Variants in WWP1 observed in about 807,000 individuals in gnomAD.
The protein encoded by WWP1 is WW domain containing E3 ubiquitin protein ligase 1.
In WWP1, 49 loss-of-function variants were observed where a neutral mutation model predicts 130.6. The ratio of observed to expected loss-of-function variants is 0.38; its 90% CI spans 0.30 to 0.48. The LOEUF (loss-of-function observed/expected upper bound fraction) is 0.48, where lower values mean the gene tolerates loss of function less well. Among genes scored for constraint, WWP1 ranks in the 20% least tolerant of loss-of-function variants. The pLI is 0.99. For missense variants in WWP1, 809 were observed against 1,100.6 expected, an observed-to-expected ratio of 0.74 and a Z score of 3.75; for synonymous variants, 332 against 367.8, an observed-to-expected ratio of 0.90 and a Z score of 1.11.
intron 1 of WWP1, among the ~76,000 whole-genome samples, chr8:86,361,160 G>C (rs547417409): frequency 6.6e-6 from 1 of 152,190 alleles, no homozygotes; most frequent in South Asian, 2.1e-4. Flanking sequence ...GGTTGGGAGT[G>C]AAGAGTGGGG....
intron 3 of WWP1, among the ~76,000 whole-genome samples, chr8:86,377,575 A>G (rs1824738545): frequency 6.6e-6 from 1 of 152,054 alleles, no homozygotes; most frequent in Non-Finnish European, 1.5e-5. Flanking sequence ...ATTGGCAGCA[A>G]CATGTAAGAA....
chr8:86,344,247 TATC>T, intron 1 of WWP1, among the ~76,000 whole-genome samples: 1 of 152,350 alleles, frequency 6.6e-6, no homozygotes, highest in Admixed American at 6.5e-5. Context: ...GGACATAGCT[TATC>T]AACATTTTCA....
At chr8:86,370,271 G>T (rs549583787) in intron 2 of WWP1, among the ~76,000 whole-genome samples, 1 of 152,244 alleles carries the variant, frequency 6.6e-6, no homozygotes, top group South Asian at 2.1e-4. Flanking sequence ...CATCATAAAA[G>T]ATGTTTGAGC....
intron 5 of WWP1, among the ~76,000 whole-genome samples, chr8:86,382,757 C>T (rs1050152615): frequency 4.6e-5 from 7 of 152,322 alleles, no homozygotes; most frequent in Non-Finnish European, 1.0e-4. Context: ...GTAATGATTT[C>T]TCACACCACA....
intron 8 of WWP1, 95 bp from the exon 9 acceptor site, chr8:86,411,443 C>T (rs937958570): frequency 1.9e-6 from 2 of 1,057,952 alleles, no homozygotes; most frequent in African/African-American, 1.6e-5. Context: ...GTTGCTTAGT[C>T]TGGATTAGGC....
At chr8:86,365,934 A>G (rs112554755) in intron 1 of WWP1, among the ~76,000 whole-genome samples, 24 of 152,352 alleles carry the variant, frequency 1.6e-4, no homozygotes, top group African/African-American at 5.5e-4. Flanking sequence ...GAAAAGCCCA[A>G]TGGGAGATAG....
At chr8:86,461,915 T>C in intron 24 of WWP1, 69 bp downstream of exon 24, 1 of 1,325,470 alleles carries the variant, frequency 7.5e-7, no homozygotes. Flanking sequence ...TTTTTAAAAA[T>C]ATGTAAGATC....
intron 5 of WWP1, among the ~76,000 whole-genome samples, chr8:86,387,709 A>C (rs950908449): frequency 6.6e-6 from 1 of 152,082 alleles, no homozygotes; most frequent in South Asian, 2.1e-4. Flanking sequence ...TTTTTGGTAG[A>C]GATGGGGTTT....
intron 9 of WWP1, among the ~76,000 whole-genome samples, chr8:86,418,086 T>G (rs1808989208): frequency 6.6e-6 from 1 of 152,186 alleles, no homozygotes; most frequent in South Asian, 2.1e-4. Flanking sequence ...AATCATACTG[T>G]ATATAGTTTT....
chr8:86,386,955 C>T (rs1204547212), intron 5 of WWP1: 1 of 152,126 alleles, frequency 6.6e-6, no homozygotes, highest in African/African-American at 2.4e-5. Flanking sequence ...GAACACTGTC[C>T]TCACATGGCA....
At chr8:86,349,612 G>A (rs1449312465) in intron 1 of WWP1, among the ~76,000 whole-genome samples, 1 of 152,160 alleles carries the variant, frequency 6.6e-6, no homozygotes, top group Non-Finnish European at 1.5e-5. Context: ...GGAAAGCTGA[G>A]TCTAAAAAGT....
At chr8:86,401,972 T>C in intron 7 of WWP1, 47 bp from the exon 8 acceptor site, 1 of 1,414,440 alleles carries the variant, frequency 7.1e-7, no homozygotes, top group Non-Finnish European at 9.3e-7. Context: ...CATGAAATGT[T>C]GTTGAATTAT....
At chr8:86,422,705 T>C (rs1428292042) in intron 9 of WWP1, among the ~76,000 whole-genome samples, 1 of 151,910 alleles carries the variant, frequency 6.6e-6, no homozygotes, top group Non-Finnish European at 1.5e-5. Flanking sequence ...TTATTCTTCT[T>C]TACCATATTA....
At position 86,369,031 on chromosome 8, in the gene WWP1, A is replaced by G. The variant is rs1824135688; in HGVS notation, c.-22A>G. The G allele has an allele frequency of 6.6e-6, 1 of 152,232 alleles. No homozygotes were observed. The highest frequency in any genetic ancestry group is 1.5e-5 in the Non-Finnish European group (1 of 68,040). The allele number at this position is 152,232 out of a possible 1,614,324, so 9.4% of individuals were successfully genotyped here. A position where few individuals can be genotyped will look rare whatever the true frequency, so the allele number is the denominator to read the frequency against. On this transcript the variant is annotated splice_region_variant and 5_prime_UTR_variant, in exon 2 of 25. It adds an upstream start codon to the 5' untranslated region. Transcript: ENST00000517970. ...CAGTGTCTAGCAGTTCCTGATACAT[A>G]GTAAGTGGTTAACAATTTTTTTAAA...
At chr8:86,433,628 T>C (rs1810117339) in intron 14 of WWP1, among the ~76,000 whole-genome samples, 1 of 151,848 alleles carries the variant, frequency 6.6e-6, no homozygotes, top group African/African-American at 2.4e-5. Flanking sequence ...ATAACTCCAC[T>C]CTAGCAGGTG....
chr8:86,380,901 A>G lies in WWP1; in HGVS notation c.209+37A>G, dbSNP rs772780744. 8 of 1,543,468 alleles carry G rather than the reference A, an allele frequency of 5.2e-6. No individual in the cohort carries two copies. In the South Asian group the frequency reaches 9.0e-5, roughly 17 times the overall value. On this transcript the variant is annotated intron_variant, in intron 4 of 24. Transcript: ENST00000517970. ...GTGTAAAGGACGGAAAATCTTCACA[A>G]GAAAGTGTATTTTTTGGAATATGTT...
At chr8:86,440,290 A>T (rs562642925) in intron 17 of WWP1, among the ~76,000 whole-genome samples, 2 of 152,102 alleles carry the variant, frequency 1.3e-5, no homozygotes, top group Non-Finnish European at 2.9e-5. Context: ...ATGATTTTTT[A>T]TTCCTAAATT....
At chr8:86,378,384 TCTTA>T (rs1195765853) in intron 3 of WWP1, among the ~76,000 whole-genome samples, 4 of 152,146 alleles carry the variant, frequency 2.6e-5, no homozygotes, top group African/African-American at 4.8e-5. Context: ...TTCATGTGAC[TCTTA>T]CTTATTTCTT....
chr8:86,448,622 C>T (rs555940748), intron 20 of WWP1, 109 bp downstream of exon 20: 4 of 1,025,506 alleles, frequency 3.9e-6, no homozygotes, highest in African/African-American at 3.3e-5. Context: ...AAGTTCTTCT[C>T]ACCAGTACCA....
Sources: gnomAD v4.1 joint callset for allele counts (sites outside exome capture counted in the v4.1 genomes callset) on GRCh38, gnomAD v4.1.1 for gene constraint, MANE v1.5 for transcripts, NCBI Gene and HGNC (gene_info 2026-07-23, HGNC 2026-07-21) for gene names.